ARPP21: variants seen among roughly 807,000 people sequenced by gnomAD.
ARPP21 encodes the protein cAMP-regulated phosphoprotein 21.
ARPP21 carries 69 observed loss-of-function variants against 113.2 expected under a neutral mutation model. That is an observed-to-expected ratio of 0.61 (90% CI 0.50 to 0.74). The LOEUF is 0.74. Among genes scored for constraint, ARPP21 ranks in the 30% least tolerant of loss-of-function variants. The probability of loss-of-function intolerance (pLI) is 0.00; values close to 1 mark genes in which losing one functional copy is unlikely to be tolerated. For missense variants in ARPP21, 1,070 were observed against 1,037.4 expected (o/e 1.03, Z -0.43); for synonymous variants, 368 against 375.5 (o/e 0.98, Z 0.23).
At chr3:35,680,263 C>T (rs1474334619) in intron 2 of ARPP21, among the ~76,000 whole-genome samples, 1 of 151,880 alleles carries the variant, frequency 6.6e-6, no homozygotes. Flanking sequence ...ATTTTGTTAA[C>T]CACGCATACT....
intron 9 of ARPP21, among the ~76,000 whole-genome samples, chr3:35,691,784 G>C (rs1276658294): frequency 6.6e-6 from 1 of 151,440 alleles, no homozygotes; most frequent in African/African-American, 2.4e-5. Context: ...ATAACAAAAG[G>C]CATGTTAAAC....
intron 1 of ARPP21, among the ~76,000 whole-genome samples, chr3:35,657,854 T>C (rs1265032155): frequency 6.6e-6 from 1 of 152,080 alleles, no homozygotes; most frequent in Non-Finnish European, 1.5e-5. Context: ...CTCTCCCAGA[T>C]ATGACAACAT....
intron 1 of ARPP21, among the ~76,000 whole-genome samples, chr3:35,669,579 C>G (rs1452430336): frequency 6.6e-6 from 1 of 152,154 alleles, no homozygotes; most frequent in Non-Finnish European, 1.5e-5. Context: ...TTTTCAGCCT[C>G]CATTTCAGGG....
chr3:35,777,912 T>C (rs1247648763), intron 19 of ARPP21, among the ~76,000 whole-genome samples: 1 of 152,204 alleles, frequency 6.6e-6, no homozygotes, highest in Non-Finnish European at 1.5e-5. Context: ...AACGTTGCCA[T>C]TTCATCCAAA....
chr3:35,792,612 G>A, intron 20 of ARPP21, 82 bp downstream of exon 20: 1 of 1,360,034 alleles, frequency 7.4e-7, no homozygotes, highest in Admixed American at 1.7e-5. Context: ...CCCTGGTTTG[G>A]GTGGCTGGCT....
intron 4 of ARPP21, among the ~76,000 whole-genome samples, chr3:35,683,160 A>T (rs2079482548): frequency 6.6e-6 from 1 of 151,794 alleles, no homozygotes; most frequent in Admixed American, 6.6e-5. Context: ...GAGATTTGAC[A>T]GTACTTTACA....
intron 9 of ARPP21, among the ~76,000 whole-genome samples, chr3:35,705,434 T>A (rs2088476517): frequency 6.6e-6 from 1 of 152,224 alleles, no homozygotes; most frequent in African/African-American, 2.4e-5. Context: ...AATTTTAATA[T>A]GTCATATTCG....
chr3:35,707,031 G>A lies in ARPP21; in HGVS notation c.744G>A (p.Lys248=). 6.2e-7 allele frequency: 1 copy of A among 1,614,080 alleles called. No individual in the cohort carries two copies. Among genetic ancestry groups the A allele is most frequent in the Non-Finnish European group, 8.5e-7 (1 of 1,179,948 alleles). The change falls in exon 10 of 21, where the codon AAG becomes AAA. Residue 248 remains lysine (K), a synonymous_variant. Coordinates refer to ENST00000684406, the MANE Select transcript of ARPP21 (RefSeq NM_001385562.1). ...LKDEKGEESQ[K]RFILKRDNSS... Reference sequence around the variant, plus strand: ...ATGAAAAAGGTGAAGAATCCCAGAAGCGGTTTATCTTGAAGCGAGATAACT... The same window carrying A: ...ATGAAAAAGGTGAAGAATCCCAGAAACGGTTTATCTTGAAGCGAGATAACT...
chr3:35,647,317 G>A (rs1259471741), intron 1 of ARPP21, among the ~76,000 whole-genome samples: 1 of 152,108 alleles, frequency 6.6e-6, no homozygotes, highest in African/African-American at 2.4e-5. Flanking sequence ...TTTTATTTCA[G>A]AAATAATTGT....
At chr3:35,677,011 A>C (rs2077664746) in intron 1 of ARPP21, among the ~76,000 whole-genome samples, 1 of 151,916 alleles carries the variant, frequency 6.6e-6, no homozygotes, top group African/African-American at 2.4e-5. Flanking sequence ...CATATAAGCA[A>C]AACATTTCAA....
intron 19 of ARPP21, among the ~76,000 whole-genome samples, chr3:35,759,661 T>C (rs1305585596): frequency 6.7e-6 from 1 of 148,328 alleles, no homozygotes; most frequent in Non-Finnish European, 1.5e-5. Context: ...ATTTTTTTCC[T>C]TTCATTTTCT....
intron 19 of ARPP21, among the ~76,000 whole-genome samples, chr3:35,783,178 T>C (rs979237643): frequency 2.6e-5 from 4 of 152,160 alleles, no homozygotes; most frequent in Admixed American, 6.5e-5. Flanking sequence ...GCCTTACAAC[T>C]CCATTTTGAT....
intron 1 of ARPP21, among the ~76,000 whole-genome samples, chr3:35,676,756 C>T (rs1340743257): frequency 6.6e-6 from 1 of 151,828 alleles, no homozygotes; most frequent in Admixed American, 6.6e-5. Context: ...CGTTGTTGCT[C>T]TTATTTTTGA....
intron 19 of ARPP21, among the ~76,000 whole-genome samples, chr3:35,758,069 T>C (rs2095635833): frequency 6.6e-6 from 1 of 152,106 alleles, no homozygotes; most frequent in African/African-American, 2.4e-5. Flanking sequence ...CTATTTATAA[T>C]AGCAACACAA....
chr3:35,737,992 T>C (rs192697223), intron 16 of ARPP21, among the ~76,000 whole-genome samples: 1 of 152,336 alleles, frequency 6.6e-6, no homozygotes, highest in East Asian at 1.9e-4. Flanking sequence ...ATATCAAACG[T>C]ACATCAGTAA....
chr3:35,697,155 T>C (rs1038068772), intron 9 of ARPP21, among the ~76,000 whole-genome samples: 3 of 151,602 alleles, frequency 2.0e-5, no homozygotes, highest in Non-Finnish European at 4.4e-5. Flanking sequence ...TGTTAAAAGA[T>C]TGTCATCTTT....
intron 19 of ARPP21, among the ~76,000 whole-genome samples, chr3:35,781,161 C>T (rs1311394753): frequency 6.6e-6 from 1 of 152,124 alleles, no homozygotes; most frequent in African/African-American, 2.4e-5. Flanking sequence ...CCTCTGCAGC[C>T]TCAAGGGAAC....
chr3:35,706,312 A>G (rs1167473349), intron 9 of ARPP21, among the ~76,000 whole-genome samples: 1 of 152,218 alleles, frequency 6.6e-6, no homozygotes, highest in East Asian at 1.9e-4. Flanking sequence ...AAATCAATTG[A>G]CTAATCAATA....
chr3:35,710,334 C>T (rs1280632343), intron 11 of ARPP21, among the ~76,000 whole-genome samples: 1 of 152,068 alleles, frequency 6.6e-6, no homozygotes. Flanking sequence ...TACAGCCTGA[C>T]ATATGGTGGG....
Sources: allele counts gnomAD v4.1 joint callset (sites outside exome capture counted in the v4.1 genomes callset), GRCh38; gene constraint gnomAD v4.1.1; transcripts MANE v1.5; gene names NCBI Gene and HGNC (gene_info 2026-07-23, HGNC 2026-07-21).